The following IDH3A variants were observed in gnomAD, a reference collection of about 807,000 sequenced individuals.
IDH3A encodes isocitrate dehydrogenase (NAD(+)) 3 catalytic subunit alpha.
In IDH3A, 23 loss-of-function variants were observed where a neutral mutation model predicts 43.3. That is an observed-to-expected ratio of 0.53 (90% CI 0.38 to 0.75). The LOEUF is 0.75. IDH3A is among the 30% of genes least tolerant of loss of function. The pLI is 0.00. For missense variants in IDH3A, 329 were observed against 474.4 expected (o/e 0.69, Z 2.85); for synonymous variants, 154 against 163.5 (o/e 0.94, Z 0.44).
At chr15:78,167,217 C>T (rs2074754576) in intron 10 of IDH3A, among the ~76,000 whole-genome samples, 1 of 152,198 alleles carries the variant, frequency 6.6e-6, no homozygotes, top group Admixed American at 6.5e-5. Context: ...TATATCATCT[C>T]AGCAAAGTTT....
At chr15:78,164,304 T>TC (rs572499493) in intron 8 of IDH3A, among the ~76,000 whole-genome samples, 8,906 of 140,480 alleles carry the variant, frequency 0.063, 352 homozygotes, top group South Asian at 0.17. Flanking sequence ...TCTCTCTCTC[T>TC]CCCCCCCCGA....
intron 10 of IDH3A, chr15:78,168,035 TTAAA>T (rs1176172132): frequency 6.6e-6 from 1 of 152,084 alleles, no homozygotes; most frequent in Non-Finnish European, 1.5e-5. Flanking sequence ...ATAAAGAGAA[TTAAA>T]TATATTGGGG....
rs1555429600 is a variant in IDH3A at position 78,158,448 on chromosome 15, C to CATACATATATAT, written c.174+820_174+821insCATATATATATA. 6.9e-3 allele frequency among the ~76,000 whole-genome samples: 195 copies of CATACATATATAT among 28,232 alleles called. 10 individuals are homozygous for CATACATATATAT. The highest frequency in any genetic ancestry group is 0.027 in the East Asian group (30 of 1,112). The allele number at this position is 28,232 out of a possible 152,430, so 18.5% of individuals were successfully genotyped here. ...TCATAGGTTATGCAATACATACATA[C>CATACATATATAT]ATATATATATATATATTTTTTTTTT... On this transcript the variant is annotated intron_variant, in intron 3 of 10. Transcript: ENST00000299518.
intron 1 of IDH3A, among the ~76,000 whole-genome samples, chr15:78,152,957 G>C (rs2074591806): frequency 6.6e-6 from 1 of 151,694 alleles, no homozygotes; most frequent in Admixed American, 6.6e-5. Context: ...TACCTTCTAT[G>C]AGCCAGGGAC....
chr15:78,162,051 AAT>A (rs1041113902), intron 5 of IDH3A, among the ~76,000 whole-genome samples, 181 bp from the exon 6 acceptor site: 4 of 152,096 alleles, frequency 2.6e-5, no homozygotes, highest in African/African-American at 7.2e-5. Flanking sequence ...TGGGGCTCAT[AAT>A]ACTTACCTCT....
intron 6 of IDH3A, among the ~76,000 whole-genome samples, chr15:78,163,191 A>G (rs546393195): frequency 1.8e-4 from 27 of 152,344 alleles, no homozygotes; most frequent in African/African-American, 6.5e-4. Flanking sequence ...TTAAATTACT[A>G]TGTTAACCTT....
Position 78,161,509 on chromosome 15 carries a change from A to C in IDH3A, c.290-72A>C. On this transcript the variant is annotated intron_variant, in intron 4 of 10. Transcript: ENST00000299518. This position sits in a 1 kb window ranked among gnomAD's most constrained non-coding sequence, Gnocchi z 4.8. The stretch of plus-strand genomic sequence containing the variant: ...CAGAACACATTTCACAAGGTAGCCG[A>C]GGTGGGTTAGTAGGTCACACGTGAG... 8.4e-7 allele frequency: 1 copy of C among 1,195,790 alleles called. No homozygotes were observed. Among genetic ancestry groups the C allele is most frequent in the East Asian group, 2.3e-5 (1 of 42,776 alleles). The allele number at this position is 1,195,790 out of a possible 1,614,324, so 74.1% of individuals were successfully genotyped here.
intron 1 of IDH3A, chr15:78,154,952 TTTTA>T: frequency 1.2e-5 from 4 of 327,992 alleles, no homozygotes; most frequent in South Asian, 1.1e-4. Flanking sequence ...CTTCAACATC[TTTTA>T]TTTGACAACT....
chr15:78,154,715 G>C (rs570660446), intron 1 of IDH3A: 8 of 152,660 alleles, frequency 5.2e-5, no homozygotes, highest in African/African-American at 1.7e-4. Flanking sequence ...ACTCCATCCT[G>C]GGCAACCTAG....
rs1376453170 is a variant in IDH3A at position 78,161,063 on chromosome 15, G to A, written c.290-518G>A. On this transcript the variant is annotated intron_variant, in intron 4 of 10. Transcript: ENST00000299518. The surrounding 1 kb of genome is among the most constrained non-coding windows in gnomAD (Gnocchi z 4.8). The stretch of plus-strand genomic sequence containing the variant: ...CGCCCAGCTAATTTTTGTATTTTTA[G>A]TAGAGACAGGGTTTCCCCATGTTGG... Among the ~76,000 whole-genome samples, 1 of 151,980 alleles carries A rather than the reference G, an allele frequency of 6.6e-6. No individual in the cohort carries two copies. Among genetic ancestry groups the A allele is most frequent in the African/African-American group, 2.4e-5 (1 of 41,362 alleles).
intron 8 of IDH3A, among the ~76,000 whole-genome samples, 157 bp from the exon 9 acceptor site, chr15:78,164,835 C>T (rs532747153): frequency 6.6e-6 from 1 of 152,314 alleles, no homozygotes; most frequent in South Asian, 2.1e-4. Flanking sequence ...GCTCGAGGCT[C>T]ATCTGTATTT....
chr15:78,160,245 C>T (rs369049198), intron 4 of IDH3A, 39 bp downstream of exon 4: 40 of 1,201,738 alleles, frequency 3.3e-5, no homozygotes, highest in Non-Finnish European at 4.1e-5. Flanking sequence ...TACAGATTTC[C>T]GCTACAGGGG....
chr15:78,171,731 G>A lies in IDH3A; in HGVS notation c.*2726G>A, dbSNP rs963616999. On this transcript the variant is annotated 3_prime_UTR_variant, in exon 11 of 11. Coordinates refer to ENST00000299518, the MANE Select transcript of IDH3A (RefSeq NM_005530.3). ...TGTAGTCTCCTGTGTTATACCACTG[G>A]TTGTGGCCAGTGGAGTATAGATGAA... 19 of 507,738 alleles carry A rather than the reference G, an allele frequency of 3.7e-5. No individual in the cohort carries two copies. The highest frequency in any genetic ancestry group is 3.7e-4 in the African/African-American group (19 of 51,804). The allele number at this position is 507,738 out of a possible 1,614,324, so 31.5% of individuals were successfully genotyped here. A position where few individuals can be genotyped will look rare whatever the true frequency, so the allele number is the denominator to read the frequency against.
rs777128665 is a variant in IDH3A, at chr15:78,155,222, C to A, written c.37C>A (p.Leu13Met). ...GPAWISKVSRLLGAFHNPKQV... is the reference protein window; with the variant it reads ...GPAWISKVSRMLGAFHNPKQV... ...GTTGATATTAATATAGGTCTCTCGG[C>A]TGCTGGGGGCATTCCACAACCCAAA... Residue 13 changes from leucine to methionine, a missense_variant, in exon 2 of 11, where the codon CTG (leucine) becomes ATG (methionine). Physicochemically the swap from Leu to Met is conservative, Grantham distance 15. Coordinates refer to ENST00000299518, the MANE Select transcript of IDH3A (RefSeq NM_005530.3). 1 of 1,611,212 alleles carries A rather than the reference C, an allele frequency of 6.2e-7. No individual in the cohort carries two copies. Among genetic ancestry groups the A allele is most frequent in the African/African-American group, 1.3e-5 (1 of 74,986 alleles).
chr15:78,160,121 C>T lies in IDH3A; in HGVS notation c.204C>T (p.Val68=). The part of the protein sequence containing the change: ...KAPIQWEERN[V]TAIQGPGGKW... ...CTATTCAGTGGGAGGAGCGGAACGT[C>T]ACTGCCATTCAAGGACCTGGAGGAA... is the stretch of plus-strand genomic sequence containing the variant. Residue 68 remains valine (V), a synonymous_variant, in exon 4 of 11, where the codon GTC becomes GTT. Transcript: ENST00000299518. The T allele has an allele frequency of 1.2e-6, 2 of 1,613,026 alleles. No homozygotes were observed. The highest frequency in any genetic ancestry group is 1.3e-5 in the African/African-American group (1 of 75,042).
chr15:78,161,856 T>A lies in IDH3A; in HGVS notation c.477+88T>A, dbSNP rs2074684256. ...CAGAGACAGATCTGCTTTATCTCTGTGAGGAGTTGTGGGTGTTTGTCTTGG... is the reference window on the plus strand; with the variant it reads ...CAGAGACAGATCTGCTTTATCTCTGAGAGGAGTTGTGGGTGTTTGTCTTGG... On this transcript the variant is annotated intron_variant, in intron 5 of 10. Transcript: ENST00000299518. This position sits in a 1 kb window ranked among gnomAD's most constrained non-coding sequence, Gnocchi z 4.8. 2.6e-6 allele frequency: 3 copies of A among 1,151,488 alleles called. No homozygotes were observed. The East Asian group carries it at 7.1e-5, about 27-fold the overall frequency. The allele number at this position is 1,151,488 out of a possible 1,614,324, so 71.3% of individuals were successfully genotyped here.
chr15:78,155,103 A>G (rs1354849624), intron 1 of IDH3A, 110 bp from the exon 2 acceptor site: 1 of 703,842 alleles, frequency 1.4e-6, no homozygotes, highest in Non-Finnish European at 2.5e-6. Flanking sequence ...AAGCTACTGA[A>G]TATATCTGTG....
intron 8 of IDH3A, among the ~76,000 whole-genome samples, chr15:78,164,430 G>A (rs2074717463): frequency 6.7e-6 from 1 of 149,936 alleles, no homozygotes; most frequent in South Asian, 2.1e-4. Flanking sequence ...TCGGCTCACT[G>A]CAACCTCTAC....
In IDH3A at chr15:78,151,866, C is replaced by A. The variant is rs537772858; in HGVS notation, c.27+2436C>A. Among the ~76,000 whole-genome samples the A allele has an allele frequency of 5.3e-5, 8 of 152,040 alleles. No homozygotes were observed. In the South Asian group the frequency reaches 1.7e-3, roughly 32 times the overall value. On this transcript the variant is annotated intron_variant, in intron 1 of 10. Coordinates refer to ENST00000299518, the MANE Select transcript of IDH3A (RefSeq NM_005530.3). ...CCTGCCATCTCAGCCTTCCATGAAG[C>A]TGGGACTACTGGTGTGTGCCACCAT...
Sources: gnomAD v4.1 joint callset for allele counts (sites outside exome capture counted in the v4.1 genomes callset) on GRCh38, gnomAD v4.1.1 for gene constraint, Gnocchi (gnomAD v3.1) non-coding constraint, MANE v1.5 for transcripts, NCBI Gene and HGNC (gene_info 2026-07-23, HGNC 2026-07-21) for gene names.